Variants in ATP8A2 observed in about 807,000 individuals in gnomAD.
ATP8A2 encodes ATPase phospholipid transporting 8A2.
A neutral mutation model predicts 165.6 loss-of-function variants in ATP8A2; 100 were observed. The ratio of observed to expected loss-of-function variants is 0.60; its 90% CI spans 0.51 to 0.71. The LOEUF (loss-of-function observed/expected upper bound fraction) is 0.71, where lower values mean the gene tolerates loss of function less well. ATP8A2 is among the 30% of genes least tolerant of loss of function. The probability of loss-of-function intolerance (pLI) is 0.00; values close to 1 mark genes in which losing one functional copy is unlikely to be tolerated. For missense variants in ATP8A2, 1,227 were observed against 1,479.5 expected, an observed-to-expected ratio of 0.83 and a Z score of 2.80; for synonymous variants, 543 against 548.8, an observed-to-expected ratio of 0.99 and a Z score of 0.15.
intron 24 of ATP8A2, among the ~76,000 whole-genome samples, chr13:25,611,195 G>T (rs1035311158): frequency 2.0e-5 from 3 of 152,030 alleles, no homozygotes; most frequent in Non-Finnish European, 4.4e-5. Context: ...GAATAGAAGT[G>T]GTGAAAGTGG....
chr13:25,419,893 T>A (rs1246920096), intron 1 of ATP8A2, among the ~76,000 whole-genome samples: 6 of 152,052 alleles, frequency 3.9e-5, no homozygotes, highest in African/African-American at 1.2e-4. Context: ...ATTTATATTT[T>A]CTGACAATGC....
chr13:25,678,729 G>GTTGAA (rs1379568839), intron 24 of ATP8A2, among the ~76,000 whole-genome samples: 1 of 152,164 alleles, frequency 6.6e-6, no homozygotes, highest in African/African-American at 2.4e-5. Context: ...TAGTCCTGGG[G>GTTGAA]TTGAATTGTA....
At chr13:25,828,769 A>G (rs1341872421) in intron 28 of ATP8A2, among the ~76,000 whole-genome samples, 2 of 152,218 alleles carry the variant, frequency 1.3e-5, no homozygotes, top group African/African-American at 2.4e-5. Flanking sequence ...TTTTATAACT[A>G]TGATGAATTC....
intron 1 of ATP8A2, among the ~76,000 whole-genome samples, chr13:25,396,808 G>T (rs1304619368): frequency 6.6e-6 from 1 of 152,200 alleles, no homozygotes; most frequent in Non-Finnish European, 1.5e-5. Context: ...ATTGCGGGGA[G>T]GACTCTAAAA....
chr13:25,818,794 C>T (rs746198209), intron 27 of ATP8A2, among the ~76,000 whole-genome samples: 19 of 152,212 alleles, frequency 1.2e-4, no homozygotes, highest in Non-Finnish European at 2.1e-4. Context: ...ACTGTGTGCC[C>T]ACCTGTGTGC....
At chr13:25,846,500 A>G (rs1951867757) in intron 30 of ATP8A2, among the ~76,000 whole-genome samples, 1 of 152,202 alleles carries the variant, frequency 6.6e-6, no homozygotes, top group African/African-American at 2.4e-5. Flanking sequence ...AATAGTTCCA[A>G]GAGAAAGATG....
rs146210880 is a variant in ATP8A2 at position 25,731,126 on chromosome 13, AAGAG to A, written c.2384+31795_2384+31798del. Reference sequence around the variant, plus strand: ...AGAGAGAGAGGGAAAGGGAAAAGAAAAGAGAGAGAGAGAGAGAAATAAAAGAAAG... The same window carrying A: ...AGAGAGAGAGGGAAAGGGAAAAGAAAAGAGAGAGAGAGAAATAAAAGAAAG... On this transcript the variant is annotated intron_variant, in intron 25 of 36. Coordinates refer to ENST00000381655, the MANE Select transcript of ATP8A2 (RefSeq NM_016529.6). Among the ~76,000 whole-genome samples the A allele has an allele frequency of 1.1e-3, 126 of 117,694 alleles. 2 individuals carry two copies. Among genetic ancestry groups the A allele is most frequent in the African/African-American group, 3.8e-3 (114 of 29,878 alleles). 77.2% of individuals were successfully genotyped at this position (117,694 alleles called of 152,430 possible).
rs920034480 is a variant in ATP8A2, at chr13:25,543,358, T to A, written c.847T>A (p.Phe283Ile). Reference protein sequence around the residue: ...GTQLRNTQWVFGIVVYTGHDT... With the variant: ...GTQLRNTQWVIGIVVYTGHDT... The stretch of plus-strand genomic sequence containing the variant: ...ACAGCTTAGAAATACTCAGTGGGTC[T>A]TTGGCATAGTTGTTTATACTGGACA... The change falls in exon 10 of 37, where the codon TTT becomes ATT. Residue 283 changes from phenylalanine (F) to isoleucine (I), a missense_variant. By Grantham distance (21) the Phe-to-Ile change is conservative (BLOSUM62 0). Transcript: ENST00000381655. The A allele has an allele frequency of 6.2e-7, 1 of 1,613,296 alleles. No homozygotes were observed. The highest frequency in any genetic ancestry group is 8.5e-7 in the Non-Finnish European group (1 of 1,179,458).
Position 25,554,758 on chromosome 13 carries a change from C to T in ATP8A2, c.1186-233C>T, listed in dbSNP as rs929110834. ...TATTTTGAGTAAAGACAGGGTTTCACCATGTTGGCCAGGCTGGTCTCGAAC... is the reference window on the plus strand; with the variant it reads ...TATTTTGAGTAAAGACAGGGTTTCATCATGTTGGCCAGGCTGGTCTCGAAC... On this transcript the variant is annotated intron_variant, in intron 12 of 36. Transcript: ENST00000381655. 6.6e-4 allele frequency among the ~76,000 whole-genome samples: 100 copies of T among 152,084 alleles called. 1 individual carries two copies. The highest frequency in any genetic ancestry group is 2.4e-3 in the African/African-American group (100 of 41,404).
intron 24 of ATP8A2, among the ~76,000 whole-genome samples, chr13:25,655,291 C>G (rs1179645900): frequency 1.3e-5 from 2 of 152,182 alleles, no homozygotes; most frequent in Non-Finnish European, 2.9e-5. Context: ...TCCCAAGTAG[C>G]TGGGATTACA....
At chr13:25,387,380 G>T (rs9553601) in intron 1 of ATP8A2, among the ~76,000 whole-genome samples, 77,081 of 151,836 alleles carry the variant, frequency 0.51, 23,347 homozygotes, top group Non-Finnish European at 0.67. Context: ...CTTTGAGGTG[G>T]TCTCAGTCCT....
rs567520198 is a variant in ATP8A2 at position 25,829,624 on chromosome 13, T to A, written c.2754+1432T>A. ...CATCCCTATTTTAGAAACAAAATGCTGAGACCTAGGAGAGATTTTGTTGTA... is the reference window on the plus strand; with the variant it reads ...CATCCCTATTTTAGAAACAAAATGCAGAGACCTAGGAGAGATTTTGTTGTA... On this transcript the variant is annotated intron_variant, in intron 28 of 36. Coordinates refer to ENST00000381655, the MANE Select transcript of ATP8A2 (RefSeq NM_016529.6). Among the ~76,000 whole-genome samples, 20 of 130,178 alleles carry A rather than the reference T, an allele frequency of 1.5e-4. No homozygotes were observed. The South Asian group carries it at 5.2e-3, about 34-fold the overall frequency. 85.4% of individuals were successfully genotyped at this position (130,178 alleles called of 152,430 possible).
At chr13:25,373,798 C>G (rs1251893328) in intron 1 of ATP8A2, among the ~76,000 whole-genome samples, 1 of 152,106 alleles carries the variant, frequency 6.6e-6, no homozygotes, top group African/African-American at 2.4e-5. Flanking sequence ...TAGTAGAGAG[C>G]TGGATTTATG....
At chr13:25,497,338 T>G (rs1256846000) in intron 2 of ATP8A2, among the ~76,000 whole-genome samples, 1 of 152,218 alleles carries the variant, frequency 6.6e-6, no homozygotes, top group Non-Finnish European at 1.5e-5. Context: ...ATTTAACCAT[T>G]CAAAAGAATG....
At chr13:25,594,969 G>T (rs1237285565) in intron 24 of ATP8A2, among the ~76,000 whole-genome samples, 1 of 108,754 alleles carries the variant, frequency 9.2e-6, no homozygotes, top group African/African-American at 3.7e-5. Flanking sequence ...TAAAGAAACT[G>T]TGGTGTGTGT....
chr13:25,917,151 A>G (rs1266031533), intron 33 of ATP8A2, among the ~76,000 whole-genome samples: 4 of 152,146 alleles, frequency 2.6e-5, no homozygotes, highest in Non-Finnish European at 5.9e-5. Context: ...AGAATTTTAG[A>G]GTCTTTGTCT....
chr13:25,511,730 T>C (rs2037231278), intron 2 of ATP8A2, among the ~76,000 whole-genome samples: 1 of 152,178 alleles, frequency 6.6e-6, no homozygotes, highest in Admixed American at 6.5e-5. Context: ...CATTCTATAA[T>C]GAAAAATATT....
intron 36 of ATP8A2, among the ~76,000 whole-genome samples, chr13:26,017,311 C>T (rs967766009): frequency 5.3e-5 from 8 of 152,186 alleles, no homozygotes; most frequent in African/African-American, 1.7e-4. Flanking sequence ...GGACTAGAAA[C>T]GTTCCTTGTT....
At chr13:25,658,869 A>G (rs550086477) in intron 24 of ATP8A2, among the ~76,000 whole-genome samples, 6 of 152,236 alleles carry the variant, frequency 3.9e-5, no homozygotes, top group African/African-American at 1.4e-4. Flanking sequence ...TGGCTCCCTG[A>G]TTACAAAGAG....
Sources: gnomAD v4.1 joint callset for allele counts (sites outside exome capture counted in the v4.1 genomes callset) on GRCh38, gnomAD v4.1.1 for gene constraint, MANE v1.5 for transcripts, NCBI Gene and HGNC (gene_info 2026-07-23, HGNC 2026-07-21) for gene names.